UBE2E2: variants seen among roughly 807,000 people sequenced by gnomAD.
UBE2E2 encodes ubiquitin conjugating enzyme E2 E2, also known as ubiquitin-conjugating enzyme E2 E2.
Under a neutral mutation model 24.7 loss-of-function variants are expected in UBE2E2, and 6 were observed. That is an observed-to-expected ratio of 0.24 (90% CI 0.13 to 0.48). The LOEUF (loss-of-function observed/expected upper bound fraction) is 0.48. UBE2E2 is among the 20% of genes least tolerant of loss of function. The pLI is 0.99. For missense variants in UBE2E2, 169 were observed against 245.0 expected (o/e 0.69, Z 2.07); for synonymous variants, 104 against 83.6 (o/e 1.24, Z -1.33).
In UBE2E2 at chr3:23,482,394, TTC is replaced by T. The variant is rs151200861; in HGVS notation, c.228-17212_228-17211del. Among the ~76,000 whole-genome samples the T allele has an allele frequency of 1.1e-4, 17 of 152,246 alleles. No individual in the cohort carries two copies. In the East Asian group the frequency reaches 3.3e-3, roughly 29 times the overall value. Reference sequence around the variant, plus strand: ...CTTATCATCTCTTTCCACCAGGATATTCTGTGTGGCTCATCTCTTAAAAACTT... The same window carrying T: ...CTTATCATCTCTTTCCACCAGGATATTGTGTGGCTCATCTCTTAAAAACTT... On this transcript the variant is annotated intron_variant, in intron 3 of 5. Coordinates refer to ENST00000396703, the MANE Select transcript of UBE2E2 (RefSeq NM_152653.4).
At chr3:23,518,821 T>A (rs769975637) in intron 4 of UBE2E2, among the ~76,000 whole-genome samples, 3 of 152,214 alleles carry the variant, frequency 2.0e-5, no homozygotes, top group Non-Finnish European at 2.9e-5. Flanking sequence ...TTCACATATA[T>A]TCATTTCTTT....
At chr3:23,573,967 A>C (rs1211354357) in intron 5 of UBE2E2, among the ~76,000 whole-genome samples, 2 of 152,204 alleles carry the variant, frequency 1.3e-5, no homozygotes, top group East Asian at 3.8e-4. Flanking sequence ...AGCTGTGTGC[A>C]ATGCTTAAAC....
rs75063275 is a variant in UBE2E2 at position 23,481,470 on chromosome 3, G to A, written c.228-18138G>A. 7.8e-3 allele frequency among the ~76,000 whole-genome samples: 1,190 copies of A among 152,254 alleles called. 13 individuals are homozygous for A. Among genetic ancestry groups the A allele is most frequent in the African/African-American group, 0.027 (1,139 of 41,536 alleles). The stretch of plus-strand genomic sequence containing the variant: ...ACTATGTATATCGTAGTTGTACTAC[G>A]TCCTTTGCATTTGTTTCCATCTATA... On this transcript the variant is annotated intron_variant, in intron 3 of 5. Coordinates refer to ENST00000396703, the MANE Select transcript of UBE2E2 (RefSeq NM_152653.4).
chr3:23,229,708 C>T (rs555176212), intron 3 of UBE2E2, among the ~76,000 whole-genome samples: 4 of 152,312 alleles, frequency 2.6e-5, no homozygotes, highest in African/African-American at 9.6e-5. Flanking sequence ...TGCTCTAGAA[C>T]AGCACTGTCC....
chr3:23,509,921 G>GT (rs1421090956), intron 4 of UBE2E2, among the ~76,000 whole-genome samples: 1 of 151,948 alleles, frequency 6.6e-6, no homozygotes, highest in South Asian at 2.1e-4. Context: ...CATTTTTTAT[G>GT]GCCGCATAGT....
In UBE2E2 at chr3:23,280,491, C is replaced by T. The variant is rs1415952406; in HGVS notation, c.227+63179C>T. 6.6e-6 allele frequency among the ~76,000 whole-genome samples: 1 copy of T among 152,176 alleles called. No homozygotes were observed. Among genetic ancestry groups the T allele is most frequent in the Non-Finnish European group, 1.5e-5 (1 of 68,032 alleles). On this transcript the variant is annotated intron_variant, in intron 3 of 5. Coordinates refer to ENST00000396703, the MANE Select transcript of UBE2E2 (RefSeq NM_152653.4). The surrounding 1 kb of genome is among the most constrained non-coding windows in gnomAD (Gnocchi z 4.3). ...TGGCCACACAATCTTTTTGGTCCTT[C>T]TTTGTTCACATTTTGCCTTCTTTTT...
intron 3 of UBE2E2, among the ~76,000 whole-genome samples, chr3:23,245,004 G>A (rs959624470): frequency 2.0e-5 from 3 of 152,102 alleles, no homozygotes; most frequent in Non-Finnish European, 2.9e-5. Flanking sequence ...TTCTGGGAAG[G>A]TCCTGATTTC....
intron 3 of UBE2E2, among the ~76,000 whole-genome samples, chr3:23,277,487 A>G (rs1298394792): frequency 2.6e-5 from 4 of 152,160 alleles, no homozygotes; most frequent in Non-Finnish European, 4.4e-5. Context: ...TCTAAGAACT[A>G]GAGCCAAAAC....
At chr3:23,556,454 T>TTTTAAAAAAA (rs1553620573) in intron 5 of UBE2E2, among the ~76,000 whole-genome samples, 1 of 94,336 alleles carries the variant, frequency 1.1e-5, no homozygotes, top group Non-Finnish European at 2.1e-5. Context: ...AAAATTTATT[T>TTTTAAAAAAA]AAAAAAAAAA....
intron 3 of UBE2E2, among the ~76,000 whole-genome samples, chr3:23,390,352 G>A (rs1696905486): frequency 6.6e-6 from 1 of 152,172 alleles, no homozygotes; most frequent in Non-Finnish European, 1.5e-5. Context: ...AGGAGTCGCA[G>A]CACTGATTGT....
chr3:23,224,156 G>GTTTTTTTTTTTTTTTTTT (rs531661466), intron 3 of UBE2E2, among the ~76,000 whole-genome samples: 4 of 93,718 alleles, frequency 4.3e-5, no homozygotes, highest in Non-Finnish European at 6.0e-5. Context: ...TAAATTTTAG[G>GTTTTTTTTTTTTTTTTTT]TTTTTTTTTT....
intron 3 of UBE2E2, among the ~76,000 whole-genome samples, chr3:23,422,264 G>A (rs1697820546): frequency 6.6e-6 from 1 of 152,168 alleles, no homozygotes; most frequent in Admixed American, 6.5e-5. Context: ...GGGATAGAGA[G>A]TAGGAGGTAA....
intron 3 of UBE2E2, among the ~76,000 whole-genome samples, chr3:23,269,618 A>G (rs1367313006): frequency 6.6e-6 from 1 of 152,214 alleles, no homozygotes; most frequent in African/African-American, 2.4e-5. Flanking sequence ...GCAAAAGGCC[A>G]GTTAAGAGAA....
chr3:23,535,134 C>T (rs1695221290), intron 5 of UBE2E2, among the ~76,000 whole-genome samples: 3 of 152,130 alleles, frequency 2.0e-5, no homozygotes, highest in African/African-American at 7.2e-5. Context: ...TTAGTCATAT[C>T]ACATTGGATG....
At position 23,582,614 on chromosome 3, in the gene UBE2E2, A is replaced by G. The variant is rs181716554; in HGVS notation, c.509-7120A>G. Among the ~76,000 whole-genome samples, 5 of 152,138 alleles carry G rather than the reference A, an allele frequency of 3.3e-5. No homozygotes were observed. The East Asian group carries it at 7.7e-4, about 24-fold the overall frequency. ...TGGTCATTCTGACTGGTATGTGATG[A>G]TATCTCATTTTGGTTTTGATTTGCA... On this transcript the variant is annotated intron_variant, in intron 5 of 5. Transcript: ENST00000396703.
At chr3:23,571,276 C>CTTTTTTTTTTTTTTTTTTTT (rs1559425735) in intron 5 of UBE2E2, among the ~76,000 whole-genome samples, 1 of 24,690 alleles carries the variant, frequency 4.1e-5, no homozygotes, top group African/African-American at 1.3e-4. Flanking sequence ...CTGTGTGCTC[C>CTTTTTTTTTTTTTTTTTTTT]TTTCTTTTTT....
At chr3:23,342,182 G>C (rs557964668) in intron 3 of UBE2E2, among the ~76,000 whole-genome samples, 2 of 149,022 alleles carry the variant, frequency 1.3e-5, no homozygotes, top group East Asian at 4.0e-4. Context: ...CTTTGATTTA[G>C]TTTAGTTTTT....
At chr3:23,235,068 G>A (rs557119557) in intron 3 of UBE2E2, among the ~76,000 whole-genome samples, 1 of 152,116 alleles carries the variant, frequency 6.6e-6, no homozygotes, top group Admixed American at 6.5e-5. Context: ...TGTATACTGG[G>A]GATGCAATTA....
At chr3:23,241,578 A>G (rs978815584) in intron 3 of UBE2E2, among the ~76,000 whole-genome samples, 2 of 150,534 alleles carry the variant, frequency 1.3e-5, no homozygotes, top group African/African-American at 2.5e-5. Flanking sequence ...TGCACTGGCT[A>G]TTTCCTCAAA....
Sources: gnomAD v4.1 joint callset for allele counts (sites outside exome capture counted in the v4.1 genomes callset) on GRCh38, gnomAD v4.1.1 for gene constraint, Gnocchi (gnomAD v3.1) non-coding constraint, MANE v1.5 for transcripts, NCBI Gene and HGNC (gene_info 2026-07-23, HGNC 2026-07-21) for gene names.